Variants in PDCD1LG2 observed in about 807,000 individuals in gnomAD.
PDCD1LG2 encodes B7 dendritic cell molecule.
In PDCD1LG2, 32 loss-of-function variants were observed where a neutral mutation model predicts 28.2. That is an observed-to-expected ratio of 1.13 (90% CI 0.86 to 1.52). The LOEUF is 1.52. PDCD1LG2 is among the 40% of genes most tolerant of loss of function. The pLI is 0.00. For missense variants in PDCD1LG2, 385 were observed against 323.8 expected (o/e 1.19, Z -1.45); for synonymous variants, 116 against 120.2 (o/e 0.97, Z 0.23).
At chr9:5,552,279 T>C (rs1324424178) in intron 4 of PDCD1LG2, among the ~76,000 whole-genome samples, 1 of 152,202 alleles carries the variant, frequency 6.6e-6, no homozygotes, top group African/African-American at 2.4e-5. Flanking sequence ...TGGTAATTTT[T>C]TTCTTTGCTC....
At chr9:5,559,602 G>C (rs890084210) in intron 5 of PDCD1LG2, among the ~76,000 whole-genome samples, 1 of 152,196 alleles carries the variant, frequency 6.6e-6, no homozygotes, top group African/African-American at 2.4e-5. Context: ...ACATTTTACA[G>C]CTTATTGGCC....
rs2274918 is a variant in PDCD1LG2, at chr9:5,563,314, T to C, written c.816+103T>C. ...TATTAATTCATGGAAGGCAACTGAA[T>C]AGTTCCAGCTTATAGAATCTTCCTG... On this transcript the variant is annotated intron_variant, in intron 6 of 6. Transcript: ENST00000397747. 559 of 966,294 alleles carry C rather than the reference T, an allele frequency of 5.8e-4. 2 individuals carry two copies. The East Asian group carries it at 0.014, about 24-fold the overall frequency. The allele number at this position is 966,294 out of a possible 1,614,324, so 59.9% of individuals were successfully genotyped here.
rs533635886 is a variant in PDCD1LG2, at chr9:5,556,429, T to C, written c.632-1189T>C. Among the ~76,000 whole-genome samples the C allele has an allele frequency of 2.6e-5, 4 of 152,202 alleles. No individual in the cohort carries two copies. The South Asian group carries it at 8.3e-4, about 32-fold the overall frequency. On this transcript the variant is annotated intron_variant, in intron 4 of 6. Transcript: ENST00000397747. ...TCTTTTGGATGGAGACAAATATCTG[T>C]GGGGGCTGAGCTTTGGGTCAGATAG...
intron 3 of PDCD1LG2, among the ~76,000 whole-genome samples, chr9:5,544,006 G>T (rs896341162): frequency 6.6e-6 from 1 of 152,104 alleles, no homozygotes; most frequent in South Asian, 2.1e-4. Flanking sequence ...GATCCTCTAA[G>T]ACCAAGGCAT....
intron 4 of PDCD1LG2, among the ~76,000 whole-genome samples, chr9:5,554,621 C>T (rs1296583436): frequency 6.6e-6 from 1 of 152,206 alleles, no homozygotes; most frequent in African/African-American, 2.4e-5. Flanking sequence ...AGTTAGGGAG[C>T]AACAGATCAT....
intron 3 of PDCD1LG2, among the ~76,000 whole-genome samples, chr9:5,539,037 G>A (rs141215352): frequency 1.6e-4 from 24 of 152,136 alleles, no homozygotes; most frequent in African/African-American, 5.8e-4. Context: ...ATATTTATAT[G>A]TATTTTTCAA....
At chr9:5,556,162 G>A (rs1004451855) in intron 4 of PDCD1LG2, among the ~76,000 whole-genome samples, 13 of 152,178 alleles carry the variant, frequency 8.5e-5, no homozygotes, top group African/African-American at 2.9e-4. Context: ...TCAGGGATGA[G>A]TAGGGCTTCT....
chr9:5,568,836 G>A (rs1281123820), intron 6 of PDCD1LG2, among the ~76,000 whole-genome samples: 1 of 152,172 alleles, frequency 6.6e-6, no homozygotes, highest in African/African-American at 2.4e-5. Context: ...ATTTTTTATG[G>A]TTCTCTATGG....
intron 2 of PDCD1LG2, among the ~76,000 whole-genome samples, chr9:5,527,646 G>C (rs1012578126): frequency 2.6e-5 from 4 of 152,066 alleles, no homozygotes; most frequent in Non-Finnish European, 5.9e-5. Flanking sequence ...GGCAAACCTA[G>C]GTTTTCATTT....
At chr9:5,537,190 G>A (rs1030278809) in intron 3 of PDCD1LG2, among the ~76,000 whole-genome samples, 4 of 152,152 alleles carry the variant, frequency 2.6e-5, no homozygotes, top group South Asian at 2.1e-4. Context: ...TTGCTGTAAC[G>A]AAACTGCTTC....
Position 5,554,095 on chromosome 9 carries a change from C to A in PDCD1LG2, c.632-3523C>A, listed in dbSNP as rs1011421012. ...CACATTTTGAGACCTACTACCTGGA[C>A]CATTTGTTTGCCTTGTAACTATGCT... On this transcript the variant is annotated intron_variant, in intron 4 of 6. Transcript: ENST00000397747. 3.9e-5 allele frequency among the ~76,000 whole-genome samples: 6 copies of A among 152,286 alleles called. No individual in the cohort carries two copies. In the East Asian group the frequency reaches 9.6e-4, roughly 24 times the overall value.
intron 2 of PDCD1LG2, among the ~76,000 whole-genome samples, chr9:5,527,052 T>C (rs1380870431): frequency 6.6e-6 from 1 of 152,240 alleles, no homozygotes; most frequent in African/African-American, 2.4e-5. Context: ...CTTACTTGTA[T>C]GCTCTTTGGA....
intron 3 of PDCD1LG2, among the ~76,000 whole-genome samples, chr9:5,543,422 G>T (rs1017223020): frequency 6.6e-6 from 1 of 151,636 alleles, no homozygotes; most frequent in Admixed American, 6.6e-5. Flanking sequence ...ACCTGCAGTC[G>T]CAGCTACTCG....
intron 6 of PDCD1LG2, among the ~76,000 whole-genome samples, chr9:5,568,006 G>T (rs780170132): frequency 2.0e-5 from 3 of 152,152 alleles, no homozygotes; most frequent in Non-Finnish European, 4.4e-5. Context: ...TGACCACAGC[G>T]TCAGCATTCC....
At chr9:5,538,908 G>T (rs1267346499) in intron 3 of PDCD1LG2, among the ~76,000 whole-genome samples, 7 of 152,008 alleles carry the variant, frequency 4.6e-5, no homozygotes. Flanking sequence ...TATATACAAT[G>T]TATAGTGATC....
At chr9:5,532,605 T>C (rs1262734093) in intron 2 of PDCD1LG2, among the ~76,000 whole-genome samples, 1 of 152,192 alleles carries the variant, frequency 6.6e-6, no homozygotes, top group African/African-American at 2.4e-5. Flanking sequence ...TTCAAAGATT[T>C]GCAGGATAGT....
At chr9:5,543,538 CA>C (rs139524609) in intron 3 of PDCD1LG2, among the ~76,000 whole-genome samples, 4,168 of 73,572 alleles carry the variant, frequency 0.057, 98 homozygotes, top group African/African-American at 0.18. Context: ...GACTCCGTCT[CA>C]AAAAAAAAAA....
At chr9:5,517,718 C>T (rs540863566) in intron 1 of PDCD1LG2, among the ~76,000 whole-genome samples, 5 of 152,126 alleles carry the variant, frequency 3.3e-5, no homozygotes, top group Admixed American at 6.5e-5. Flanking sequence ...TGACTCTGAC[C>T]GATATGGAAG....
intron 3 of PDCD1LG2, among the ~76,000 whole-genome samples, chr9:5,538,435 C>T (rs1563827171): frequency 6.6e-6 from 1 of 152,020 alleles, no homozygotes; most frequent in Non-Finnish European, 1.5e-5. Context: ...ACCGTAATCC[C>T]AGCACTTTGG....
Sources: allele counts gnomAD v4.1 joint callset (sites outside exome capture counted in the v4.1 genomes callset), GRCh38; gene constraint gnomAD v4.1.1; transcripts MANE v1.5; gene names NCBI Gene and HGNC (gene_info 2026-07-23, HGNC 2026-07-21).